Variants in EP300 observed in about 807,000 individuals in gnomAD.
EP300 encodes the protein histone acetyltransferase p300.
EP300 carries 31 observed loss-of-function variants against 264.0 expected under a neutral mutation model. That is an observed-to-expected ratio of 0.12 (90% confidence interval 0.09 to 0.16). The LOEUF is 0.16. EP300 is among the 10% of genes least tolerant of loss of function. The pLI, the probability that EP300 is intolerant of heterozygous loss-of-function variation, is 1.00. For synonymous variants in EP300, 1,340 were observed against 1,045.4 expected, an observed-to-expected ratio of 1.28 and a Z score of -5.44; for missense variants, 2,766 against 3,052.9, an observed-to-expected ratio of 0.91 and a Z score of 2.21.
chr22:41,092,643 G>A lies in EP300; in HGVS notation c.-362G>A, dbSNP rs911298269. On this transcript the variant is annotated 5_prime_UTR_variant, in exon 1 of 31. Transcript: ENST00000263253. ...GGAAGAGGTTGATGGCGGCGGCGGA[G>A]CTCCGAGAGACCTCGGCTGGGCAGG... The A allele has an allele frequency of 1.3e-5, 8 of 632,886 alleles. No homozygotes were observed. Among genetic ancestry groups the A allele is most frequent in the Non-Finnish European group, 1.1e-5 (4 of 349,604 alleles). The allele number at this position is 632,886 out of a possible 1,614,324, so 39.2% of individuals were successfully genotyped here.
chr22:41,122,705 C>CA (rs770596098), intron 2 of EP300, among the ~76,000 whole-genome samples: 100 of 150,628 alleles, frequency 6.6e-4, no homozygotes, highest in Middle Eastern at 3.4e-3. Flanking sequence ...ACTGCTGAAC[C>CA]AAAAAAGATG....
At chr22:41,158,984 G>A (rs1418338101) in intron 19 of EP300, 3 of 166,452 alleles carry the variant, frequency 1.8e-5, no homozygotes, top group African/African-American at 4.8e-5. Flanking sequence ...CAAATTAAAA[G>A]GAAAACCTCA....
chr22:41,170,171 A>C (rs1025870164), intron 26 of EP300, among the ~76,000 whole-genome samples: 1 of 152,242 alleles, frequency 6.6e-6, no homozygotes. Flanking sequence ...TGAGATTCGC[A>C]ACATCCCACC....
Position 41,179,001 on chromosome 22 carries a change from A to AACAAG in EP300, c.*48_*52dup. On this transcript the variant is annotated 3_prime_UTR_variant, in exon 31 of 31. Coordinates refer to ENST00000263253, the MANE Select transcript of EP300 (RefSeq NM_001429.4). ...GGGAGCAAAAAAATTATTTTCTCTT[A>AACAAG]ACAAGACTTTTTGTACTGAAAACAA... 6.2e-7 allele frequency: 1 copy of AACAAG among 1,606,022 alleles called. No homozygotes were observed. Among genetic ancestry groups the AACAAG allele is most frequent in the Non-Finnish European group, 8.5e-7 (1 of 1,177,234 alleles).
chr22:41,149,894 G>A lies in EP300; in HGVS notation c.2513G>A (p.Arg838His), dbSNP rs774840930. Residue 838 changes from arginine (R) to histidine (H), a missense_variant, in exon 14 of 31, where the codon CGT (arginine) becomes CAT (histidine). Arg to His is a conservative substitution (Grantham distance 29). Coordinates refer to ENST00000263253, the MANE Select transcript of EP300 (RefSeq NM_001429.4). ...AATTCACCCTCGCCTGTACCTAGTC[G>A]TACCCCCACCCCTCACCATACTCCC... ...HQNSPSPVPS[R>H]TPTPHHTPPS... is the part of the protein sequence containing the mutation. 1.4e-5 allele frequency: 22 copies of A among 1,613,506 alleles called. No individual in the cohort carries two copies. The highest frequency in any genetic ancestry group is 2.2e-5 in the East Asian group (1 of 44,874).
At chr22:41,144,350 A>G (rs2058999052) in intron 10 of EP300, among the ~76,000 whole-genome samples, 1 of 152,060 alleles carries the variant, frequency 6.6e-6, no homozygotes, top group African/African-American at 2.4e-5. Context: ...CTTTACCTCT[A>G]AATATTTATA....
chr22:41,167,796 C>G (rs2059147020), intron 23 of EP300, among the ~76,000 whole-genome samples: 2 of 63,994 alleles, frequency 3.1e-5, no homozygotes, highest in Non-Finnish European at 6.2e-5. Flanking sequence ...GGCCATTGTT[C>G]TATTTCTGTT....
intron 14 of EP300, among the ~76,000 whole-genome samples, chr22:41,150,888 C>T (rs1297910590): frequency 7.2e-6 from 1 of 139,258 alleles, no homozygotes; most frequent in African/African-American, 2.8e-5. Flanking sequence ...GAAACTCCGT[C>T]TAAAAAAAAA....
At position 41,179,430 on chromosome 22, in the gene EP300, T is replaced by TTTAA. The variant is rs1165071275; in HGVS notation, c.*475_*478dup. 5.6e-6 allele frequency: 1 copy of TTTAA among 179,932 alleles called. No individual in the cohort carries two copies. Among genetic ancestry groups the TTTAA allele is most frequent in the Non-Finnish European group, 1.2e-5 (1 of 86,026 alleles). The allele number at this position is 179,932 out of a possible 1,614,324, so 11.1% of individuals were successfully genotyped here. A position where few individuals can be genotyped will look rare whatever the true frequency, so the allele number is the denominator to read the frequency against. On this transcript the variant is annotated 3_prime_UTR_variant, in exon 31 of 31. Coordinates refer to ENST00000263253, the MANE Select transcript of EP300 (RefSeq NM_001429.4). ...AGAGGACAAAAGGGGTTAATGTTAC[T>TTTAA]TTAAAATTACATTCTATATATATAT...
chr22:41,136,428 A>G (rs2058950970), intron 7 of EP300, among the ~76,000 whole-genome samples: 1 of 152,190 alleles, frequency 6.6e-6, no homozygotes, highest in African/African-American at 2.4e-5. Flanking sequence ...CAGCTCCATA[A>G]TAGCCTTATC....
rs781011524 is a variant in EP300 at position 41,179,297 on chromosome 22, A to T, written c.*341A>T. The T allele has an allele frequency of 3.9e-4, 114 of 292,650 alleles. No individual in the cohort carries two copies. Among genetic ancestry groups the T allele is most frequent in the East Asian group, 6.1e-4 (12 of 19,680 alleles). The allele number at this position is 292,650 out of a possible 1,614,324, so 18.1% of individuals were successfully genotyped here. The stretch of plus-strand genomic sequence containing the variant: ...TCCAATAGGTTTTATTATTTTTTTT[A>T]AATTAATGAACATATGTAATATTAA... On this transcript the variant is annotated 3_prime_UTR_variant, in exon 31 of 31. Transcript: ENST00000263253.
intron 1 of EP300, among the ~76,000 whole-genome samples, chr22:41,116,472 C>G (rs150076696): frequency 0.018 from 2,688 of 152,184 alleles, 73 homozygotes; most frequent in African/African-American, 0.062. Flanking sequence ...GTTTAGTTTT[C>G]TTTTCCTATG....
In EP300 at chr22:41,111,519, CTTCCTTT is replaced by C. The variant is rs367588633; in HGVS notation, c.95-5657_95-5651del. Among the ~76,000 whole-genome samples, 1,254 of 152,064 alleles carry C rather than the reference CTTCCTTT, an allele frequency of 8.2e-3. 11 individuals are homozygous for C. The highest frequency in any genetic ancestry group is 0.029 in the African/African-American group (1,195 of 41,474). On this transcript the variant is annotated intron_variant, in intron 1 of 30. Coordinates refer to ENST00000263253, the MANE Select transcript of EP300 (RefSeq NM_001429.4). ...TATCTACAGACAATAAGTTTTGTTT[CTTCCTTT>C]TTCCTTTTTCTTTCTTTCCTTCTTT...
At chr22:41,174,252 G>A (rs920309987) in intron 29 of EP300, among the ~76,000 whole-genome samples, 18 of 152,062 alleles carry the variant, frequency 1.2e-4, no homozygotes, top group African/African-American at 4.1e-4. Context: ...CCAACATGGC[G>A]AACCGAAACC....
rs6002267 is a variant in EP300 at position 41,141,230 on chromosome 22, G to T, written c.2053+8G>T. On this transcript the variant is annotated splice_region_variant and intron_variant, in intron 10 of 30. Transcript: ENST00000263253. ...AACCAGGAATGACTTCTAGTAAGTG[G>T]TTTTTGTTATATTTCTGTTTGAGAG... 0.99 allele frequency: 1,603,397 copies of T among 1,613,534 alleles called. 797,225 individuals carry two copies. Among genetic ancestry groups the T allele is most frequent in the East Asian group, 1 (44,885 of 44,886 alleles).
rs192550188 is a variant in EP300, at chr22:41,123,172, C to G, written c.730-2692C>G. ...GTGTTTCTTAGTTAGGTTGTACTAT[C>G]TAAGGAACCAACAGAAAATGCCTCT... is the stretch of plus-strand genomic sequence containing the variant. On this transcript the variant is annotated intron_variant, in intron 2 of 30. Transcript: ENST00000263253. 8.5e-5 allele frequency among the ~76,000 whole-genome samples: 13 copies of G among 152,208 alleles called. 1 individual carries two copies.
chr22:41,176,158 T>C, intron 29 of EP300, 89 bp from the exon 30 acceptor site: 1 of 1,477,090 alleles, frequency 6.8e-7, no homozygotes, highest in Non-Finnish European at 9.4e-7. Context: ...AGGCAGAGGT[T>C]GTAGTGAGCC....
At chr22:41,097,677 T>C (rs910143494) in intron 1 of EP300, among the ~76,000 whole-genome samples, 2 of 152,228 alleles carry the variant, frequency 1.3e-5, no homozygotes, top group Non-Finnish European at 2.9e-5. Flanking sequence ...TTTATGTTTG[T>C]CCAGATTTTA....
intron 23 of EP300, among the ~76,000 whole-genome samples, chr22:41,167,570 G>GTA (rs2059141652): frequency 2.4e-5 from 1 of 42,256 alleles, no homozygotes; most frequent in African/African-American, 1.0e-4. Context: ...TTGTGTGTGT[G>GTA]TGTGTGTGTG....
Sources: allele counts gnomAD v4.1 joint callset (sites outside exome capture counted in the v4.1 genomes callset), GRCh38; gene constraint gnomAD v4.1.1; transcripts MANE v1.5; gene names NCBI Gene and HGNC (gene_info 2026-07-23, HGNC 2026-07-21).